SEL1L3: variants seen among roughly 807,000 people sequenced by gnomAD.
SEL1L3 encodes the protein SEL1L family member 3.
Under a neutral mutation model 142.8 loss-of-function variants are expected in SEL1L3, and 76 were observed. The observed-to-expected ratio is 0.53, with a 90% confidence interval of 0.44 to 0.64. SEL1L3 has a LOEUF of 0.64. SEL1L3 is among the 30% of genes least tolerant of loss of function. The pLI is 0.00. For synonymous variants in SEL1L3, 504 were observed against 519.6 expected (o/e 0.97, Z 0.41); for missense variants, 1,262 against 1,381.7 (o/e 0.91, Z 1.37).
chr4:25,769,695 G>T (rs1452976320), intron 17 of SEL1L3, among the ~76,000 whole-genome samples: 1 of 152,170 alleles, frequency 6.6e-6, no homozygotes, highest in Non-Finnish European at 1.5e-5. Flanking sequence ...GGCCTGCACT[G>T]GTGTCTCAGT....
At chr4:25,775,117 T>C (rs183276222) in intron 17 of SEL1L3, among the ~76,000 whole-genome samples, 58 of 152,332 alleles carry the variant, frequency 3.8e-4, no homozygotes, top group African/African-American at 1.3e-3. Flanking sequence ...TTTTATGAAC[T>C]GAAGTTCACT....
chr4:25,732,661 C>T, the SEL1L3 span, among the ~76,000 whole-genome samples: 1 of 152,002 alleles, frequency 6.6e-6, no homozygotes, highest in Admixed American at 6.6e-5. Flanking sequence ...TTGTTTGCCT[C>T]CCGCCCCACC....
At chr4:25,779,960 A>G (rs867645400) in intron 15 of SEL1L3, among the ~76,000 whole-genome samples, 1 of 152,172 alleles carries the variant, frequency 6.6e-6, no homozygotes, top group Admixed American at 6.5e-5. Flanking sequence ...CCTAGAGTGA[A>G]GGGTTGTTGT....
chr4:25,780,194 C>T (rs1404151048), intron 15 of SEL1L3, among the ~76,000 whole-genome samples: 2 of 152,102 alleles, frequency 1.3e-5, no homozygotes, highest in Non-Finnish European at 2.9e-5. Flanking sequence ...CTCAGCAAAT[C>T]CTGCTGCCTC....
the SEL1L3 span, among the ~76,000 whole-genome samples, chr4:25,717,883 C>T: frequency 6.6e-6 from 1 of 152,268 alleles, no homozygotes; most frequent in African/African-American, 2.4e-5. Flanking sequence ...CTTATGAATG[C>T]ATGATCCTTG....
chr4:25,862,729 G>T lies in SEL1L3; in HGVS notation c.108C>A (p.Val36=), dbSNP rs1395185582. The T allele has an allele frequency of 7.8e-6, 10 of 1,279,184 alleles. No homozygotes were observed. The South Asian group carries it at 2.5e-4, about 32-fold the overall frequency. The allele number at this position is 1,279,184 out of a possible 1,614,324, so 79.2% of individuals were successfully genotyped here. Residue 36 remains valine (V), a synonymous_variant, in exon 1 of 24, where the codon GTC becomes GTA. Transcript: ENST00000399878. ...RAAAMVPSGG[V]PQGLGGRSAC... ...CAGAGCGGCCGCCGAGGCCCTGGGGGACGCCGCCACTCGGGACCATGGCTG... is the reference window on the plus strand; with the variant it reads ...CAGAGCGGCCGCCGAGGCCCTGGGGTACGCCGCCACTCGGGACCATGGCTG...
chr4:25,714,539 TCTTTCTTTCTTTCTTC>T, the SEL1L3 span, among the ~76,000 whole-genome samples: 2 of 142,548 alleles, frequency 1.4e-5, no homozygotes, highest in African/African-American at 5.3e-5. Flanking sequence ...TTTCTTTCTT[TCTTTCTTTCTTTCTTC>T]TTTCTTTCTT....
At chr4:25,729,052 A>G in the SEL1L3 span, among the ~76,000 whole-genome samples, 1 of 151,736 alleles carries the variant, frequency 6.6e-6, no homozygotes, top group East Asian at 1.9e-4. Context: ...TTCCCCAACC[A>G]TTAAATGCAA....
At position 25,765,340 on chromosome 4, in the gene SEL1L3, C is replaced by G; in HGVS notation, c.2941G>C (p.Asp981His). Residue 981 changes from aspartate (D) to histidine (H), a missense_variant, in exon 20 of 24, where the codon GAT becomes CAT. Asp to His is a moderately conservative substitution (Grantham distance 81). Transcript: ENST00000399878. ...TTGCTGTTTACCTGGGAGTCTCCAT[C>G]CAGGGCGGCTTGGGCGTACATCTGC... ...SVQMYAQAAL[D>H]GDSQGFFNLA... is the part of the protein sequence containing the mutation. 1 of 1,612,756 alleles carries G rather than the reference C, an allele frequency of 6.2e-7. No individual in the cohort carries two copies. The highest frequency in any genetic ancestry group is 8.5e-7 in the Non-Finnish European group (1 of 1,178,890).
chr4:25,832,562 A>G (rs563863493), intron 5 of SEL1L3, among the ~76,000 whole-genome samples: 2 of 152,352 alleles, frequency 1.3e-5, no homozygotes, highest in African/African-American at 4.8e-5. Flanking sequence ...CAATTGCTTC[A>G]CTTGCCAAAA....
intron 20 of SEL1L3, chr4:25,759,724 G>C (rs1182852506): frequency 6.6e-6 from 1 of 152,258 alleles, no homozygotes; most frequent in Admixed American, 6.5e-5. Context: ...CACAGTTAGA[G>C]GGCCCGACCA....
chr4:25,718,828 C>T, the SEL1L3 span: 1 of 152,160 alleles, frequency 6.6e-6, no homozygotes, highest in Non-Finnish European at 1.5e-5. Flanking sequence ...AGCCATGATA[C>T]ATGCTAGTCA....
chr4:25,759,863 G>A (rs1010933395), intron 20 of SEL1L3: 2 of 152,202 alleles, frequency 1.3e-5, no homozygotes, highest in Non-Finnish European at 2.9e-5. Flanking sequence ...ATTAGAACTT[G>A]ACCAATTAAA....
rs755554724 is a variant in SEL1L3 at position 25,782,411 on chromosome 4, T to C, written c.2288A>G (p.His763Arg). The stretch of plus-strand genomic sequence containing the variant: ...CCATCCCAGGCCATTGACTGCCTGA[T>C]GCAATCCCTGAATTTTGGAACAAGA... ...LMKKAASKGL[H>R]QAVNGLGWYY... The change falls in exon 15 of 24, where the codon CAT (histidine) becomes CGT (arginine). Residue 763 changes from histidine to arginine, a missense_variant. Physicochemically the swap from His to Arg is conservative, Grantham distance 29. This residue lies in a region of SEL1L3 where 435 missense variants were observed against 559.2 expected (regional missense o/e 0.78). Coordinates refer to ENST00000399878, the MANE Select transcript of SEL1L3 (RefSeq NM_015187.5). 6.2e-7 allele frequency: 1 copy of C among 1,611,588 alleles called. No homozygotes were observed. Among genetic ancestry groups the C allele is most frequent in the Non-Finnish European group, 8.5e-7 (1 of 1,179,068 alleles).
chr4:25,733,968 T>C, the SEL1L3 span, among the ~76,000 whole-genome samples: 1 of 152,204 alleles, frequency 6.6e-6, no homozygotes, highest in Non-Finnish European at 1.5e-5. Flanking sequence ...AGATACTTTT[T>C]ATCAGATTGA....
In SEL1L3 at chr4:25,788,329, T is replaced by C. The variant is rs756814527; in HGVS notation, c.2112A>G (p.Gln704=). The C allele has an allele frequency of 1.1e-5, 17 of 1,613,824 alleles. No individual in the cohort carries two copies. Among genetic ancestry groups the C allele is most frequent in the East Asian group, 2.2e-5 (1 of 44,876 alleles). Residue 704 remains glutamine, a synonymous_variant, in exon 13 of 24, where the codon CAA becomes CAG. Coordinates refer to ENST00000399878, the MANE Select transcript of SEL1L3 (RefSeq NM_015187.5). This position sits in a 1 kb window ranked among gnomAD's most constrained non-coding sequence, Gnocchi z 5.3. Reference sequence around the variant, plus strand: ...CTGCTTCGGGATTCTTGGCCACACCTTGCTGCCCCCAGAACAGCATCTGGG... The same window carrying C: ...CTGCTTCGGGATTCTTGGCCACACCCTGCTGCCCCCAGAACAGCATCTGGG... ...RLAQMLFWGQ[Q]GVAKNPEAAI...
At chr4:25,732,211 T>C in the SEL1L3 span, among the ~76,000 whole-genome samples, 1 of 152,182 alleles carries the variant, frequency 6.6e-6, no homozygotes. Context: ...GTATGGGAAG[T>C]AGATTTGCCA....
At chr4:25,795,625 T>C (rs1211464470) in intron 11 of SEL1L3, among the ~76,000 whole-genome samples, 1 of 151,750 alleles carries the variant, frequency 6.6e-6, no homozygotes, top group African/African-American at 2.4e-5. Context: ...GATCCTAGAG[T>C]CCACAGCCAG....
chr4:25,837,428 A>G (rs1715906003), intron 2 of SEL1L3, among the ~76,000 whole-genome samples: 1 of 150,956 alleles, frequency 6.6e-6, no homozygotes, highest in African/African-American at 2.4e-5. Flanking sequence ...TCTAAAGTGG[A>G]AAGAGTTAAA....
Sources: gnomAD v4.1 joint callset for allele counts (sites outside exome capture counted in the v4.1 genomes callset) on GRCh38, gnomAD v4.1.1 for gene constraint, gnomAD v4.1.1 regional missense constraint, Gnocchi (gnomAD v3.1) non-coding constraint, MANE v1.5 for transcripts, NCBI Gene and HGNC (gene_info 2026-07-23, HGNC 2026-07-21) for gene names.